The following PTPRK variants were observed in gnomAD, a reference collection of about 807,000 sequenced individuals.
PTPRK encodes the protein receptor-type tyrosine-protein phosphatase kappa.
A neutral mutation model predicts 178.0 loss-of-function variants in PTPRK; 75 were observed. That is an observed-to-expected ratio of 0.42 (90% confidence interval 0.35 to 0.51). PTPRK has a LOEUF of 0.51. PTPRK is among the 20% of genes least tolerant of loss of function. The pLI is 0.02. For missense variants in PTPRK, 1,441 were observed against 1,797.8 expected (o/e 0.80, Z 3.59); for synonymous variants, 637 against 620.6 (o/e 1.03, Z -0.39).
chr6:128,332,583 A>C (rs1830421106), intron 2 of PTPRK, among the ~76,000 whole-genome samples: 1 of 152,256 alleles, frequency 6.6e-6, no homozygotes, highest in Non-Finnish European at 1.5e-5. Flanking sequence ...TAAAGAAAAT[A>C]AAACTAGAAA....
chr6:128,062,921 C>T (rs748451956), intron 13 of PTPRK: 1 of 152,072 alleles, frequency 6.6e-6, no homozygotes, highest in African/African-American at 2.4e-5. Context: ...AACTCTTGGC[C>T]TCAAGCTATC....
intron 2 of PTPRK, among the ~76,000 whole-genome samples, chr6:128,339,797 C>G (rs1831426520): frequency 6.6e-6 from 1 of 152,066 alleles, no homozygotes; most frequent in Non-Finnish European, 1.5e-5. Flanking sequence ...ACAGCTTGAC[C>G]CTAAGGACTT....
At chr6:128,315,334 T>G (rs1445749309) in intron 3 of PTPRK, among the ~76,000 whole-genome samples, 1 of 152,174 alleles carries the variant, frequency 6.6e-6, no homozygotes, top group Non-Finnish European at 1.5e-5. Flanking sequence ...ATAGACCTTA[T>G]TTTTAAACAT....
At chr6:128,350,399 C>G (rs1832966478) in intron 2 of PTPRK, among the ~76,000 whole-genome samples, 1 of 152,042 alleles carries the variant, frequency 6.6e-6, no homozygotes. Flanking sequence ...AATTCAAGAA[C>G]AGGAGACTTA....
At chr6:128,453,247 G>T (rs899432785) in intron 1 of PTPRK, among the ~76,000 whole-genome samples, 5 of 152,136 alleles carry the variant, frequency 3.3e-5, no homozygotes, top group Admixed American at 2.6e-4. Context: ...GGGGGAATGG[G>T]ATTAGACATG....
chr6:128,292,166 C>A (rs1823488517), intron 3 of PTPRK, among the ~76,000 whole-genome samples: 1 of 151,332 alleles, frequency 6.6e-6, no homozygotes, highest in Non-Finnish European at 1.5e-5. Flanking sequence ...TTGAGGATAC[C>A]CAAAGAAAAA....
At chr6:128,171,275 T>C (rs773831669) in intron 7 of PTPRK, among the ~76,000 whole-genome samples, 1 of 151,964 alleles carries the variant, frequency 6.6e-6, no homozygotes, top group Non-Finnish European at 1.5e-5. Flanking sequence ...AAGCCAGAAA[T>C]GATGCAGTAT....
intron 1 of PTPRK, among the ~76,000 whole-genome samples, chr6:128,464,518 C>T (rs1285101926): frequency 6.6e-6 from 1 of 150,536 alleles, no homozygotes; most frequent in Non-Finnish European, 1.5e-5. Context: ...TAGAACCATA[C>T]ATCAAAAGTA....
At chr6:128,307,047 A>G (rs1248316101) in intron 3 of PTPRK, among the ~76,000 whole-genome samples, 1 of 151,920 alleles carries the variant, frequency 6.6e-6, no homozygotes, top group Admixed American at 6.6e-5. Context: ...TAGGGGGAGT[A>G]AGAAAGTGTG....
intron 2 of PTPRK, among the ~76,000 whole-genome samples, chr6:128,335,699 G>T (rs928247336): frequency 6.6e-6 from 1 of 151,852 alleles, no homozygotes; most frequent in African/African-American, 2.4e-5. Flanking sequence ...AAAGCGAATG[G>T]TGCCATCTCC....
At chr6:128,466,922 A>G (rs543002721) in intron 1 of PTPRK, among the ~76,000 whole-genome samples, 1 of 152,334 alleles carries the variant, frequency 6.6e-6, no homozygotes, top group South Asian at 2.1e-4. Context: ...TGATACTAAA[A>G]ATAACAAAAG....
chr6:128,240,006 CT>C (rs750579266), intron 5 of PTPRK, 28 bp downstream of exon 5: 9 of 1,532,234 alleles, frequency 5.9e-6, no homozygotes, highest in Non-Finnish European at 8.1e-6. Context: ...AAAGTATACT[CT>C]TTAGCTCAGC....
intron 1 of PTPRK, among the ~76,000 whole-genome samples, chr6:128,424,495 CAGA>C (rs1004976534): frequency 1.3e-5 from 2 of 152,152 alleles, no homozygotes; most frequent in African/African-American, 4.8e-5. Context: ...TGTGGAAGTT[CAGA>C]AGGATTCCTT....
At chr6:128,113,100 A>G (rs1790934859) in intron 7 of PTPRK, among the ~76,000 whole-genome samples, 1 of 152,104 alleles carries the variant, frequency 6.6e-6, no homozygotes, top group Admixed American at 6.5e-5. Flanking sequence ...AAGAGGAATG[A>G]CATAGCCTCC....
At chr6:128,075,740 A>G (rs1358425192) in intron 11 of PTPRK, among the ~76,000 whole-genome samples, 1 of 152,064 alleles carries the variant, frequency 6.6e-6, no homozygotes, top group Non-Finnish European at 1.5e-5. Context: ...AAAACTAAAC[A>G]CGAAAACTCT....
At chr6:127,992,362 C>G (rs1197620006) in intron 19 of PTPRK, among the ~76,000 whole-genome samples, 1 of 151,650 alleles carries the variant, frequency 6.6e-6, no homozygotes, top group South Asian at 2.1e-4. Context: ...TTTTCCTTTC[C>G]TCAAAAATGA....
intron 13 of PTPRK, among the ~76,000 whole-genome samples, chr6:128,031,742 TA>T (rs1204007047): frequency 1.3e-5 from 2 of 152,220 alleles, no homozygotes; most frequent in Non-Finnish European, 2.9e-5. Context: ...CTCCCTTCTT[TA>T]GCCTTCAATT....
chr6:128,504,912 C>T (rs1309284557), intron 1 of PTPRK, among the ~76,000 whole-genome samples: 1 of 152,060 alleles, frequency 6.6e-6, no homozygotes, highest in Non-Finnish European at 1.5e-5. Flanking sequence ...ATGTAGCAGT[C>T]TGCTTTCCAA....
At chr6:128,340,600 C>T (rs1831533749) in intron 2 of PTPRK, among the ~76,000 whole-genome samples, 1 of 151,990 alleles carries the variant, frequency 6.6e-6, no homozygotes, top group Non-Finnish European at 1.5e-5. Context: ...GAACTCTGCA[C>T]AGATAAATAT....
Sources: allele counts gnomAD v4.1 joint callset (sites outside exome capture counted in the v4.1 genomes callset), GRCh38; gene constraint gnomAD v4.1.1; transcripts MANE v1.5; gene names NCBI Gene and HGNC (gene_info 2026-07-23, HGNC 2026-07-21).